The following LHPP variants were observed in gnomAD, a reference collection of about 807,000 sequenced individuals.
LHPP encodes the protein hLHPP.
Under a neutral mutation model 30.3 loss-of-function variants are expected in LHPP, and 24 were observed. The observed-to-expected ratio is 0.79, with a 90% CI of 0.57 to 1.11. The LOEUF (loss-of-function observed/expected upper bound fraction) is 1.11. Ranked by LOEUF, LHPP falls within the 50% of genes most tolerant of loss-of-function variation. The pLI is 0.00. For missense variants in LHPP, 356 were observed against 367.2 expected, an observed-to-expected ratio of 0.97 and a Z score of 0.25; for synonymous variants, 150 against 157.1, an observed-to-expected ratio of 0.95 and a Z score of 0.34.
intron 6 of LHPP, among the ~76,000 whole-genome samples, chr10:124,573,857 TG>T: frequency 6.6e-6 from 1 of 151,980 alleles, no homozygotes; most frequent in South Asian, 2.1e-4. Context: ...TCGGGGGCTG[TG>T]GGGGGATGCA....
At chr10:124,476,318 G>A (rs1447635975) in intron 1 of LHPP, among the ~76,000 whole-genome samples, 1 of 152,158 alleles carries the variant, frequency 6.6e-6, no homozygotes, top group Non-Finnish European at 1.5e-5. Flanking sequence ...CTGTTGCCCT[G>A]GCCGGTCAGC....
In LHPP at chr10:124,517,956, G is replaced by C. The variant is rs1164166326; in HGVS notation, c.716+685G>C. Among the ~76,000 whole-genome samples the C allele has an allele frequency of 6.6e-6, 1 of 152,228 alleles. No homozygotes were observed. Among genetic ancestry groups the C allele is most frequent in the East Asian group, 1.9e-4 (1 of 5,196 alleles). ...TTTCGATTGTGGCCATTCAGAGAAAGTACATCTTTGCAGATGCTGGGGAGA... is the reference window on the plus strand; with the variant it reads ...TTTCGATTGTGGCCATTCAGAGAAACTACATCTTTGCAGATGCTGGGGAGA... On this transcript the variant is annotated intron_variant, in intron 6 of 6. Coordinates refer to ENST00000368842, the MANE Select transcript of LHPP (RefSeq NM_022126.4). This position sits in a 1 kb window ranked among gnomAD's most constrained non-coding sequence, Gnocchi z 4.1.
chr10:124,579,843 G>A (rs771499379), intron 6 of LHPP, among the ~76,000 whole-genome samples: 21 of 152,030 alleles, frequency 1.4e-4, no homozygotes, highest in Admixed American at 2.6e-4. Flanking sequence ...TTAGATATAC[G>A]CTGTTGATGA....
intron 6 of LHPP, among the ~76,000 whole-genome samples, chr10:124,588,864 C>A (rs1466367871): frequency 6.6e-6 from 1 of 151,990 alleles, no homozygotes. Context: ...ACTGGCCCAC[C>A]CTCCACACAT....
intron 6 of LHPP, among the ~76,000 whole-genome samples, chr10:124,560,137 A>G (rs975632264): frequency 6.6e-6 from 1 of 152,200 alleles, no homozygotes; most frequent in Non-Finnish European, 1.5e-5. Context: ...ATGGCTTCAT[A>G]TGGTCACTAC....
At chr10:124,498,218 CTGTGGGGT>C in intron 5 of LHPP, 90 bp downstream of exon 5, 1 of 1,495,134 alleles carries the variant, frequency 6.7e-7, no homozygotes, top group Non-Finnish European at 9.3e-7. Flanking sequence ...CTCAGGCAGC[CTGTGGGGT>C]TGGCCAGGCA....
chr10:124,567,113 G>A (rs866241471), intron 6 of LHPP, among the ~76,000 whole-genome samples: 3 of 152,216 alleles, frequency 2.0e-5, no homozygotes, highest in Non-Finnish European at 4.4e-5. Flanking sequence ...AGAACTCCAC[G>A]AGCTCAGAGA....
chr10:124,494,878 C>T (rs575396630), intron 3 of LHPP, among the ~76,000 whole-genome samples: 3 of 152,206 alleles, frequency 2.0e-5, no homozygotes, highest in Middle Eastern at 3.4e-3. Flanking sequence ...ATCCCTGAGT[C>T]CTGCAAAGGG....
rs141499312 is a variant in LHPP at position 124,508,490 on chromosome 10, G to A, written c.625-8690G>A. Among the ~76,000 whole-genome samples, 1,423 of 152,286 alleles carry A rather than the reference G, an allele frequency of 9.3e-3. 13 individuals carry two copies. The highest frequency in any genetic ancestry group is 0.014 in the Non-Finnish European group (956 of 68,028). On this transcript the variant is annotated intron_variant, in intron 5 of 6. Transcript: ENST00000368842. ...TCTGAAACTGACGGGAGTTGCAGGA[G>A]CTTCCGGCCCTGGCTTTGTCTTTGT...
At position 124,585,488 on chromosome 10, in the gene LHPP, G is replaced by A. The variant is rs972031189; in HGVS notation, c.717-27776G>A. Reference sequence around the variant, plus strand: ...AAATTAGCCAGGCATGGTGGCTGGCGCCTGTAGTCCCAGCTACTCAGGAGG... The same window carrying A: ...AAATTAGCCAGGCATGGTGGCTGGCACCTGTAGTCCCAGCTACTCAGGAGG... On this transcript the variant is annotated intron_variant, in intron 6 of 6. Coordinates refer to ENST00000368842, the MANE Select transcript of LHPP (RefSeq NM_022126.4). 2.6e-5 allele frequency among the ~76,000 whole-genome samples: 4 copies of A among 151,780 alleles called. 1 individual carries two copies. The highest frequency in any genetic ancestry group is 4.8e-5 in the African/African-American group (2 of 41,278).
In LHPP at chr10:124,597,210, C is replaced by T. The variant is rs376091304; in HGVS notation, c.717-16054C>T. Among the ~76,000 whole-genome samples, 23 of 152,322 alleles carry T rather than the reference C, an allele frequency of 1.5e-4. No homozygotes were observed. In the East Asian group the frequency reaches 2.9e-3, roughly 19 times the overall value. On this transcript the variant is annotated intron_variant, in intron 6 of 6. Transcript: ENST00000368842. ...ACCAGCTTCTCTCTTCCCCAGCTTGCGTACGGTCTGTCGTGGGACCCGCCT... is the reference window on the plus strand; with the variant it reads ...ACCAGCTTCTCTCTTCCCCAGCTTGTGTACGGTCTGTCGTGGGACCCGCCT...
chr10:124,613,611 T>G lies in LHPP; in HGVS notation c.*251T>G. ...TACCTGGGTGGCCTGCTCCCCTGCC[T>G]GGGCCCTGACTTCAGCTCCCTGTAG... is the stretch of plus-strand genomic sequence containing the variant. On this transcript the variant is annotated 3_prime_UTR_variant, in exon 7 of 7. Transcript: ENST00000368842. 1 of 560,122 alleles carries G rather than the reference T, an allele frequency of 1.8e-6. No individual in the cohort carries two copies. The highest frequency in any genetic ancestry group is 3.0e-5 in the East Asian group (1 of 33,032). 34.7% of individuals were successfully genotyped at this position (560,122 alleles called of 1,614,324 possible). A position where few individuals can be genotyped will look rare whatever the true frequency, so the allele number is the denominator to read the frequency against.
intron 6 of LHPP, among the ~76,000 whole-genome samples, chr10:124,519,447 T>A (rs1210427433): frequency 1.3e-5 from 2 of 152,252 alleles, no homozygotes; most frequent in Non-Finnish European, 2.9e-5. Context: ...TGGTAATTTT[T>A]AAAATTTCAG....
At chr10:124,521,868 T>TACAC (rs372620418) in intron 6 of LHPP, among the ~76,000 whole-genome samples, 30 of 149,946 alleles carry the variant, frequency 2.0e-4, no homozygotes, top group African/African-American at 7.3e-4. Flanking sequence ...CACTTACACG[T>TACAC]ACACACACAC....
intron 6 of LHPP, among the ~76,000 whole-genome samples, chr10:124,539,712 G>T (rs1955132718): frequency 6.9e-6 from 1 of 145,618 alleles, no homozygotes; most frequent in South Asian, 2.2e-4. Flanking sequence ...CTCTAGCCTG[G>T]GCGACAGAGC....
intron 2 of LHPP, 86 bp from the exon 3 acceptor site, chr10:124,488,336 G>A: frequency 8.2e-7 from 1 of 1,219,230 alleles, no homozygotes; most frequent in South Asian, 1.3e-5. Context: ...GGGAGGACAT[G>A]TGAAAGGTGT....
chr10:124,480,213 G>T (rs1423639591), intron 1 of LHPP, among the ~76,000 whole-genome samples: 2 of 152,198 alleles, frequency 1.3e-5, no homozygotes, highest in African/African-American at 4.8e-5. Context: ...GCTCAAAGGG[G>T]GGTGTGGTCC....
intron 6 of LHPP, among the ~76,000 whole-genome samples, chr10:124,569,602 T>A (rs1564835658): frequency 6.6e-6 from 1 of 152,112 alleles, no homozygotes; most frequent in Non-Finnish European, 1.5e-5. Flanking sequence ...TCGGCCAGGA[T>A]TTGCCGAGTG....
chr10:124,601,087 G>T (rs1232430438), intron 6 of LHPP, among the ~76,000 whole-genome samples: 1 of 152,198 alleles, frequency 6.6e-6, no homozygotes, highest in African/African-American at 2.4e-5. Context: ...CTTGTTCTTA[G>T]GGAATGAGGC....
Sources: allele counts gnomAD v4.1 joint callset (sites outside exome capture counted in the v4.1 genomes callset), GRCh38; gene constraint gnomAD v4.1.1; non-coding constraint Gnocchi (gnomAD v3.1); transcripts MANE v1.5; gene names NCBI Gene and HGNC (gene_info 2026-07-23, HGNC 2026-07-21).